PUDP: variants seen among roughly 807,000 people sequenced by gnomAD.
PUDP encodes pseudouridine 5'-phosphatase, also known as pseudouridine-5'-phosphatase.
Under a neutral mutation model 9.4 loss-of-function variants are expected in PUDP, and 8 were observed. That is an observed-to-expected ratio of 0.85 (90% CI 0.50 to 1.53). The LOEUF is 1.53. PUDP is among the 40% of genes most tolerant of loss of function. PUDP has a pLI of 0.00. For missense variants in PUDP, 188 were observed against 189.7 expected, an observed-to-expected ratio of 0.99 and a Z score of 0.05; for synonymous variants, 99 against 80.7, an observed-to-expected ratio of 1.23 and a Z score of -1.22.
At chrX:7,009,495 G>A (rs1210136135) in intron 1 of PUDP, among the ~76,000 whole-genome samples, 1 of 112,112 alleles carries the variant, frequency 8.9e-6, no homozygotes, top group Admixed American at 9.5e-5. Context: ...TTAATTCTTC[G>A]GCCATACAGA....
At chrX:7,059,579 G>C (rs1930342395) in intron 3 of PUDP, among the ~76,000 whole-genome samples, 1 of 112,062 alleles carries the variant, frequency 8.9e-6, no homozygotes, top group Admixed American at 9.4e-5. Context: ...TATGACTTCA[G>C]ACAGACTCGG....
At chrX:7,091,921 CTCAT>C (rs1345129349) in intron 2 of PUDP, among the ~76,000 whole-genome samples, 2 of 112,451 alleles carry the variant, frequency 1.8e-5, no homozygotes, top group South Asian at 3.6e-4. Context: ...AACATAATAG[CTCAT>C]TCAATTTTCC....
chrX:6,797,347 A>AGTC (rs1467822052), intron 3 of PUDP, among the ~76,000 whole-genome samples: 1 of 111,805 alleles, frequency 8.9e-6, no homozygotes, highest in Non-Finnish European at 1.9e-5. Flanking sequence ...GTCCTCATAC[A>AGTC]GTCCTCTCCT....
intron 3 of PUDP, among the ~76,000 whole-genome samples, chrX:6,817,248 A>C (rs1340384695): frequency 1.9e-5 from 2 of 107,934 alleles, no homozygotes; most frequent in Non-Finnish European, 3.8e-5. Context: ...AGATAATTTT[A>C]TTTTTTCAGA....
intron 2 of PUDP, among the ~76,000 whole-genome samples, chrX:7,094,780 G>A (rs1931526719): frequency 1.8e-5 from 2 of 111,890 alleles, no homozygotes; most frequent in African/African-American, 3.3e-5. Context: ...GGGCTAATTC[G>A]ATTTGTTAAA....
chrX:6,857,376 G>C (rs1249763593), intron 3 of PUDP, among the ~76,000 whole-genome samples: 1 of 112,695 alleles, frequency 8.9e-6, no homozygotes, highest in Admixed American at 9.3e-5. Flanking sequence ...AGAAAACCGT[G>C]GAAATTGAGA....
intron 3 of PUDP, among the ~76,000 whole-genome samples, chrX:6,890,185 A>C (rs1023127986): frequency 2.7e-5 from 3 of 111,953 alleles, no homozygotes; most frequent in African/African-American, 9.7e-5. Flanking sequence ...TGGCAGACCA[A>C]GTATGCATCG....
chrX:6,851,307 A>T (rs1418943327), intron 3 of PUDP, among the ~76,000 whole-genome samples: 2 of 112,378 alleles, frequency 1.8e-5, no homozygotes, highest in Admixed American at 9.4e-5. Flanking sequence ...AGAGAAGTGA[A>T]AGCAATTAGA....
chrX:7,081,775 C>T (rs960039251), intron 2 of PUDP, among the ~76,000 whole-genome samples: 2 of 113,006 alleles, frequency 1.8e-5, no homozygotes, highest in African/African-American at 6.4e-5. Flanking sequence ...CAATGATTAA[C>T]GTTCCTCATG....
At chrX:6,816,922 T>C (rs780727875) in intron 3 of PUDP, among the ~76,000 whole-genome samples, 13 of 93,718 alleles carry the variant, frequency 1.4e-4, no homozygotes, top group South Asian at 9.2e-4. Context: ...ATAGTATATA[T>C]AATATATATA....
At chrX:6,841,017 G>A (rs865853725) in intron 3 of PUDP, among the ~76,000 whole-genome samples, 4 of 112,079 alleles carry the variant, frequency 3.6e-5, no homozygotes, top group African/African-American at 1.3e-4. Context: ...GGAGGCTCAC[G>A]CCTGTAATCC....
At chrX:6,903,040 C>A (rs1927714303) in intron 3 of PUDP, among the ~76,000 whole-genome samples, 1 of 111,491 alleles carries the variant, frequency 9.0e-6, no homozygotes. Flanking sequence ...AAGAAAATCT[C>A]CCCACTTGAG....
chrX:6,755,808 G>T (rs1032729649), intron 3 of PUDP, among the ~76,000 whole-genome samples: 1 of 110,292 alleles, frequency 9.1e-6, no homozygotes, highest in African/African-American at 3.3e-5. Context: ...TATCTGGGAG[G>T]AGTATGCTCA....
At chrX:6,727,017 T>C (rs1924746867) in intron 3 of PUDP, among the ~76,000 whole-genome samples, 1 of 111,947 alleles carries the variant, frequency 8.9e-6, no homozygotes, top group Admixed American at 9.5e-5. Flanking sequence ...TGAAAGAACT[T>C]ACACCAGTGT....
At chrX:6,859,501 T>C (rs1465420058) in intron 3 of PUDP, among the ~76,000 whole-genome samples, 1 of 107,387 alleles carries the variant, frequency 9.3e-6, no homozygotes, top group African/African-American at 3.3e-5. Context: ...GCCACAAGAA[T>C]AGGATTATGG....
At chrX:6,832,696 C>T (rs893033581) in intron 3 of PUDP, among the ~76,000 whole-genome samples, 1 of 111,746 alleles carries the variant, frequency 8.9e-6, no homozygotes, top group Non-Finnish European at 1.9e-5. Flanking sequence ...AAGCTAAGCC[C>T]TTCCGGGGAG....
At chrX:7,117,984 T>C (rs1207849642) in intron 1 of PUDP, among the ~76,000 whole-genome samples, 1 of 113,224 alleles carries the variant, frequency 8.8e-6, no homozygotes, top group Non-Finnish European at 1.9e-5. Flanking sequence ...GCTTTCTGTA[T>C]AGCCTACAGA....
chrX:7,088,117 T>A (rs1931317982), intron 2 of PUDP, among the ~76,000 whole-genome samples: 1 of 112,279 alleles, frequency 8.9e-6, no homozygotes, highest in Non-Finnish European at 1.9e-5. Context: ...AACAAAACTA[T>A]TTTTTTCAGC....
At chrX:6,876,149 C>A (rs971968798) in intron 3 of PUDP, among the ~76,000 whole-genome samples, 3 of 111,510 alleles carry the variant, frequency 2.7e-5, no homozygotes, top group Non-Finnish European at 5.6e-5. Context: ...AGTGCCCATA[C>A]AACCATTCTG....
Sources: allele counts gnomAD v4.1 joint callset (sites outside exome capture counted in the v4.1 genomes callset), GRCh38; gene constraint gnomAD v4.1.1; transcripts MANE v1.5; gene names NCBI Gene and HGNC (gene_info 2026-07-23, HGNC 2026-07-21).